The following DENND1A variants were observed in gnomAD, a reference collection of about 807,000 sequenced individuals.
DENND1A encodes DENN domain-containing protein 1A.
A neutral mutation model predicts 113.7 loss-of-function variants in DENND1A; 51 were observed. The observed-to-expected ratio is 0.45, with a 90% CI of 0.36 to 0.57. DENND1A has a LOEUF of 0.57. DENND1A is among the 20% of genes least tolerant of loss of function. The probability of loss-of-function intolerance (pLI) is 0.00; values close to 1 mark genes in which losing one functional copy is unlikely to be tolerated. For synonymous variants in DENND1A, 565 were observed against 570.8 expected, an observed-to-expected ratio of 0.99 and a Z score of 0.14; for missense variants, 1,258 against 1,395.9, an observed-to-expected ratio of 0.90 and a Z score of 1.57.
chr9:123,886,093 A>G (rs1358411921), intron 1 of DENND1A, among the ~76,000 whole-genome samples: 1 of 152,184 alleles, frequency 6.6e-6, no homozygotes, highest in Non-Finnish European at 1.5e-5. Flanking sequence ...CATGTTCTCA[A>G]AAAGATTAAG....
intron 12 of DENND1A, among the ~76,000 whole-genome samples, chr9:123,574,459 T>G: frequency 6.6e-6 from 1 of 152,222 alleles, no homozygotes; most frequent in Non-Finnish European, 1.5e-5. Context: ...TTCAAGGAAT[T>G]TGTTCATTTT....
At chr9:123,541,170 AG>A (rs1295609854) in intron 13 of DENND1A, among the ~76,000 whole-genome samples, 2 of 152,206 alleles carry the variant, frequency 1.3e-5, no homozygotes, top group Admixed American at 1.3e-4. Context: ...CCCCTGGTTT[AG>A]TAGGGTCTTG....
At chr9:123,709,794 A>T (rs557484770) in intron 5 of DENND1A, among the ~76,000 whole-genome samples, 1 of 152,328 alleles carries the variant, frequency 6.6e-6, no homozygotes, top group East Asian at 1.9e-4. Context: ...TTCCATTTGG[A>T]ATTTCTAAGG....
chr9:123,644,537 T>C (rs1315308759), intron 9 of DENND1A, among the ~76,000 whole-genome samples: 2 of 152,192 alleles, frequency 1.3e-5, no homozygotes, highest in Admixed American at 1.3e-4. Flanking sequence ...ATTCCTTTAG[T>C]GGGGTGGCTA....
At chr9:123,581,181 C>A (rs1315239980) in intron 12 of DENND1A, among the ~76,000 whole-genome samples, 1 of 152,028 alleles carries the variant, frequency 6.6e-6, no homozygotes, top group Non-Finnish European at 1.5e-5. Flanking sequence ...AAAAGACCAT[C>A]CTCAGAGTGG....
chr9:123,805,263 T>A (rs1169100414), intron 2 of DENND1A, among the ~76,000 whole-genome samples: 1 of 152,174 alleles, frequency 6.6e-6, no homozygotes, highest in African/African-American at 2.4e-5. Flanking sequence ...CAACATATTA[T>A]ATACAGGTAG....
At chr9:123,652,646 GC>G (rs1361901795) in intron 8 of DENND1A, among the ~76,000 whole-genome samples, 7 of 152,176 alleles carry the variant, frequency 4.6e-5, no homozygotes, top group African/African-American at 7.2e-5. Context: ...CGAAGGCCAG[GC>G]GAGCTCCTCT....
chr9:123,741,882 C>T (rs913980348), intron 5 of DENND1A, among the ~76,000 whole-genome samples: 33 of 152,120 alleles, frequency 2.2e-4, no homozygotes, highest in African/African-American at 8.0e-4. Context: ...CATGATCATT[C>T]CTATCAAAAA....
At chr9:123,391,402 T>G (rs77006798) in intron 21 of DENND1A, among the ~76,000 whole-genome samples, 1,691 of 152,356 alleles carry the variant, frequency 0.011, 23 homozygotes, top group African/African-American at 0.039. Flanking sequence ...CAATTTCTCA[T>G]GAATTCTTTA....
In DENND1A at chr9:123,652,967, T is replaced by C. The variant is rs535715349; in HGVS notation, c.508-844A>G. On this transcript the variant is annotated intron_variant, in intron 8 of 23. Coordinates refer to ENST00000394215, the MANE Select transcript of DENND1A (RefSeq NM_001352964.2). ...ACCCACCTGACTTTAATAATACACA[T>C]GAATATGCTAATTTCTTCAATGTTA... Among the ~76,000 whole-genome samples the C allele has an allele frequency of 3.3e-5, 5 of 152,314 alleles. No homozygotes were observed. The South Asian group carries it at 1.0e-3, about 32-fold the overall frequency.
At chr9:123,540,348 A>G (rs1482367036) in intron 13 of DENND1A, among the ~76,000 whole-genome samples, 3 of 152,192 alleles carry the variant, frequency 2.0e-5, no homozygotes, top group African/African-American at 2.4e-5. Context: ...AGAAATAGAA[A>G]AGTGGTACTT....
chr9:123,524,241 GAGTAGGCACTC>G (rs1385407572), intron 13 of DENND1A, among the ~76,000 whole-genome samples: 1 of 152,234 alleles, frequency 6.6e-6, no homozygotes, highest in Non-Finnish European at 1.5e-5. Context: ...ACACTGCACA[GAGTAGGCACTC>G]AGTAAATAGT....
At chr9:123,737,176 CA>C (rs1279572482) in intron 5 of DENND1A, among the ~76,000 whole-genome samples, 1 of 151,996 alleles carries the variant, frequency 6.6e-6, no homozygotes, top group Non-Finnish European at 1.5e-5. Flanking sequence ...ACCTTTAATT[CA>C]ACTCAGTTTT....
intron 9 of DENND1A, among the ~76,000 whole-genome samples, chr9:123,635,184 G>C (rs2061644323): frequency 6.6e-6 from 1 of 152,096 alleles, no homozygotes; most frequent in African/African-American, 2.4e-5. Context: ...TCTGCAACTT[G>C]ACGTGAAATA....
At chr9:123,802,113 CT>C (rs1362736070) in intron 2 of DENND1A, among the ~76,000 whole-genome samples, 2 of 152,198 alleles carry the variant, frequency 1.3e-5, no homozygotes, top group Non-Finnish European at 2.9e-5. Context: ...ACAAAACTAA[CT>C]TGCTTTTGGC....
chr9:123,893,065 C>T (rs777132962), intron 1 of DENND1A, among the ~76,000 whole-genome samples: 1 of 151,740 alleles, frequency 6.6e-6, no homozygotes. Context: ...GGCATGGTGG[C>T]TCATGGCCCA....
At chr9:123,747,155 C>T (rs1233530146) in intron 5 of DENND1A, among the ~76,000 whole-genome samples, 1 of 151,990 alleles carries the variant, frequency 6.6e-6, no homozygotes, top group East Asian at 1.9e-4. Flanking sequence ...GCTTAGACAA[C>T]AAACTGCAGG....
At chr9:123,693,875 G>A (rs1048943949) in intron 5 of DENND1A, among the ~76,000 whole-genome samples, 3 of 149,840 alleles carry the variant, frequency 2.0e-5, no homozygotes, top group African/African-American at 4.9e-5. Context: ...TTCACCAGGC[G>A]GGAGTGCAGT....
chr9:123,465,199 AC>A (rs1463235175), intron 13 of DENND1A, among the ~76,000 whole-genome samples: 1 of 151,402 alleles, frequency 6.6e-6, no homozygotes, highest in Non-Finnish European at 1.5e-5. Flanking sequence ...GAAAAAAAAA[AC>A]ATTAAAAAGA....
Sources: allele counts gnomAD v4.1 joint callset (sites outside exome capture counted in the v4.1 genomes callset), GRCh38; gene constraint gnomAD v4.1.1; transcripts MANE v1.5; gene names NCBI Gene and HGNC (gene_info 2026-07-23, HGNC 2026-07-21).